Variants in CLN6 observed in about 807,000 individuals in gnomAD.
CLN6 encodes CLN6 transmembrane ER protein, also known as ceroid-lipofuscinosis neuronal protein 6.
A neutral mutation model predicts 33.3 loss-of-function variants in CLN6; 22 were observed. The ratio of observed to expected loss-of-function variants is 0.66; its 90% CI spans 0.47 to 0.94. The LOEUF (loss-of-function observed/expected upper bound fraction) is 0.94. Ranked by LOEUF, CLN6 falls within the 40% of genes least tolerant of loss-of-function variation. The probability of loss-of-function intolerance (pLI) is 0.00; values close to 1 mark genes in which losing one functional copy is unlikely to be tolerated. For missense variants in CLN6, 387 were observed against 417.1 expected (o/e 0.93, Z 0.63); for synonymous variants, 201 against 174.6 (o/e 1.15, Z -1.19).
In CLN6 at chr15:68,219,850, G is replaced by A. The variant is rs916526629; in HGVS notation, c.84-1200C>T. 9.9e-5 allele frequency among the ~76,000 whole-genome samples: 15 copies of A among 152,174 alleles called. No homozygotes were observed. The highest frequency in any genetic ancestry group is 2.7e-4 in the African/African-American group (11 of 41,436). Reference sequence around the variant, plus strand: ...ACTGAGGTGTGGGTTTCATCGTCTCGTTTGTGCCAAGAACAGGCGCCATGG... The same window carrying A: ...ACTGAGGTGTGGGTTTCATCGTCTCATTTGTGCCAAGAACAGGCGCCATGG... On this transcript the variant is annotated intron_variant, in intron 1 of 6. Transcript: ENST00000249806. The surrounding 1 kb of genome is among the most constrained non-coding windows in gnomAD (Gnocchi z 4.2).
rs1365709118 is a variant in CLN6 at position 68,207,860 on chromosome 15, G to A, written c.*280C>T. The A allele has an allele frequency of 1.0e-5, 5 of 486,362 alleles. No homozygotes were observed. Among genetic ancestry groups the A allele is most frequent in the African/African-American group, 2.0e-5 (1 of 51,176 alleles). The allele number at this position is 486,362 out of a possible 1,614,324, so 30.1% of individuals were successfully genotyped here. A position where few individuals can be genotyped will look rare whatever the true frequency, so the allele number is the denominator to read the frequency against. Reference sequence around the variant, plus strand: ...CAGGTGCAGAGGAGGGCAGGGGCCCGGATCCTGGCCCAGAAACACTCTAAA... The same window carrying A: ...CAGGTGCAGAGGAGGGCAGGGGCCCAGATCCTGGCCCAGAAACACTCTAAA... On this transcript the variant is annotated 3_prime_UTR_variant, in exon 7 of 7. Transcript: ENST00000249806.
Position 68,211,488 on chromosome 15 carries a change from G to A in CLN6, c.487-170C>T. On this transcript the variant is annotated intron_variant, in intron 4 of 6. Coordinates refer to ENST00000249806, the MANE Select transcript of CLN6 (RefSeq NM_017882.3). This position sits in a 1 kb window ranked among gnomAD's most constrained non-coding sequence, Gnocchi z 5.9. ...TCTGTTACAGGGGCCCAGGTGGGAG[G>A]CAGTCTGTGCACCACTTCCTAAGAA... is the stretch of plus-strand genomic sequence containing the variant. The A allele has an allele frequency of 6.4e-7, 1 of 1,558,254 alleles. No individual in the cohort carries two copies. The highest frequency in any genetic ancestry group is 8.7e-7 in the Non-Finnish European group (1 of 1,148,822).
At chr15:68,231,010 T>C (rs533048200), upstream of CLN6, among the ~76,000 whole-genome samples, 5 of 152,326 alleles carry the variant, frequency 3.3e-5, no homozygotes, top group South Asian at 2.1e-4. Flanking sequence ...GCAAATGCAA[T>C]GTGCCATTCC....
intron 1 of CLN6, among the ~76,000 whole-genome samples, chr15:68,249,054 C>G (rs749001021): frequency 1.3e-5 from 2 of 152,118 alleles, no homozygotes; most frequent in African/African-American, 2.4e-5. Context: ...ATACAAATGG[C>G]TGACAGGTAT....
upstream of CLN6, chr15:68,229,802 G>A (rs2093264946): frequency 2.9e-6 from 1 of 342,176 alleles, no homozygotes. Context: ...AGGGAGACGG[G>A]GCGGGCTCCG....
In CLN6 at chr15:68,211,992, G is replaced by C. The variant is rs1385224339; in HGVS notation, c.298-129C>G. 1 of 971,290 alleles carries C rather than the reference G, an allele frequency of 1.0e-6. No individual in the cohort carries two copies. Among genetic ancestry groups the C allele is most frequent in the African/African-American group, 1.6e-5 (1 of 62,126 alleles). 60.2% of individuals were successfully genotyped at this position (971,290 alleles called of 1,614,324 possible). The stretch of plus-strand genomic sequence containing the variant: ...TGGAATGTCACTCCAAAAAGTGGCT[G>C]GTCCCTTTAGCAGGCCAGCCCAGCC... On this transcript the variant is annotated intron_variant, in intron 3 of 6. Coordinates refer to ENST00000249806, the MANE Select transcript of CLN6 (RefSeq NM_017882.3). The surrounding 1 kb of genome is among the most constrained non-coding windows in gnomAD (Gnocchi z 5.9).
At position 68,242,730 on chromosome 15, in the gene CLN6, C is replaced by A. The variant is rs1198404370; in HGVS notation, c.179+13960G>T. ...GTAGACATTTGGTTTAAATTAAGGT[C>A]AGATATCAGACTTGCTAAATGCTTT... On this transcript the variant is annotated intron_variant, in intron 1 of 6. Coordinates refer to the CLN6 transcript ENST00000538696. This position sits in a 1 kb window ranked among gnomAD's most constrained non-coding sequence, Gnocchi z 5.0. Among the ~76,000 whole-genome samples, 1 of 152,138 alleles carries A rather than the reference C, an allele frequency of 6.6e-6. No individual in the cohort carries two copies. The highest frequency in any genetic ancestry group is 1.5e-5 in the Non-Finnish European group (1 of 68,018).
Position 68,213,870 on chromosome 15 carries a change from C to T in CLN6, c.297+420G>A, listed in dbSNP as rs77477094. 1,525 of 229,202 alleles carry T rather than the reference C, an allele frequency of 6.7e-3. 16 individuals carry two copies. Among genetic ancestry groups the T allele is most frequent in the Non-Finnish European group, 7.9e-3 (893 of 113,606 alleles). 14.2% of individuals were successfully genotyped at this position (229,202 alleles called of 1,614,324 possible). On this transcript the variant is annotated intron_variant, in intron 3 of 6. Coordinates refer to ENST00000249806, the MANE Select transcript of CLN6 (RefSeq NM_017882.3). ...CTCCAGGGCAGAGGATGGAGTTCAGCTGCTGCTGCTGCCTCTCCTGCCACC... is the reference window on the plus strand; with the variant it reads ...CTCCAGGGCAGAGGATGGAGTTCAGTTGCTGCTGCTGCCTCTCCTGCCACC...
Position 68,234,836 on chromosome 15 carries a change from G to C in CLN6, c.180-16186C>G, listed in dbSNP as rs1218208678. Among the ~76,000 whole-genome samples, 1 of 152,174 alleles carries C rather than the reference G, an allele frequency of 6.6e-6. No homozygotes were observed. The highest frequency in any genetic ancestry group is 1.5e-5 in the Non-Finnish European group (1 of 68,040). ...GTTTGAGACCAGCCTGGCCAACATA[G>C]TGAAACTCCGTCTCTACTAAAAATA... is the stretch of plus-strand genomic sequence containing the variant. On this transcript the variant is annotated intron_variant, in intron 1 of 6. Transcript: ENST00000538696. This position sits in a 1 kb window ranked among gnomAD's most constrained non-coding sequence, Gnocchi z 4.1.
chr15:68,238,637 A>G (rs566133150), intron 1 of CLN6, among the ~76,000 whole-genome samples: 2 of 152,352 alleles, frequency 1.3e-5, no homozygotes, highest in South Asian at 4.1e-4. Flanking sequence ...TCAAAAATGC[A>G]TGTAAAATAG....
Position 68,246,747 on chromosome 15 carries a change from T to G in CLN6, c.179+9943A>C, listed in dbSNP as rs1892332485. Among the ~76,000 whole-genome samples, 1 of 152,040 alleles carries G rather than the reference T, an allele frequency of 6.6e-6. No individual in the cohort carries two copies. The highest frequency in any genetic ancestry group is 2.4e-5 in the African/African-American group (1 of 41,360). On this transcript the variant is annotated intron_variant, in intron 1 of 6. Transcript: ENST00000538696. The surrounding 1 kb of genome is among the most constrained non-coding windows in gnomAD (Gnocchi z 4.5). ...ATATCAGAGCAGAAATAAATGAAAT[T>G]AGGCTAAAATATAGAGAAAATCAAT...
At position 68,214,416 on chromosome 15, in the gene CLN6, A is replaced by T. The variant is rs757480089; in HGVS notation, c.199-28T>A. The stretch of plus-strand genomic sequence containing the variant: ...GCGGAGCAAATGGAAGAATGGGCTC[A>T]CCTGGGCACAGCCCCACGCGGCCCT... On this transcript the variant is annotated intron_variant, in intron 2 of 6. Transcript: ENST00000249806. The T allele has an allele frequency of 3.8e-6, 6 of 1,566,078 alleles. No homozygotes were observed. The African/African-American group carries it at 8.1e-5, about 21-fold the overall frequency.
Position 68,210,918 on chromosome 15 carries a change from G to A in CLN6, c.542+345C>T, listed in dbSNP as rs543184668. Among the ~76,000 whole-genome samples, 17 of 152,086 alleles carry A rather than the reference G, an allele frequency of 1.1e-4. No individual in the cohort carries two copies. Among genetic ancestry groups the A allele is most frequent in the Admixed American group, 3.3e-4 (5 of 15,268 alleles). On this transcript the variant is annotated intron_variant, in intron 5 of 6. Coordinates refer to ENST00000249806, the MANE Select transcript of CLN6 (RefSeq NM_017882.3). The surrounding 1 kb of genome is among the most constrained non-coding windows in gnomAD (Gnocchi z 5.6). The stretch of plus-strand genomic sequence containing the variant: ...TCTGGGGGTTGTTTATCAGGGACGC[G>A]TCCTCCTCCCCCACCCTCAGGGCTC...
At chr15:68,233,350 G>A (rs1427399464), upstream of CLN6, among the ~76,000 whole-genome samples, 1 of 152,080 alleles carries the variant, frequency 6.6e-6, no homozygotes, top group Non-Finnish European at 1.5e-5. The surrounding 1 kb of genome is among the most constrained non-coding windows in gnomAD (Gnocchi z 4.3). Context: ...AGGGTCCCAG[G>A]TGCCATCTCT....
rs1348699922 is a variant in CLN6 at position 68,247,958 on chromosome 15, G to A, written c.179+8732C>T. Among the ~76,000 whole-genome samples, 1 of 151,212 alleles carries A rather than the reference G, an allele frequency of 6.6e-6. No homozygotes were observed. The highest frequency in any genetic ancestry group is 1.5e-5 in the Non-Finnish European group (1 of 67,968). On this transcript the variant is annotated intron_variant, in intron 1 of 6. Transcript: ENST00000538696. The surrounding 1 kb of genome is among the most constrained non-coding windows in gnomAD (Gnocchi z 4.2). ...CAGGAGAATCACTTGAACCTGGGAG[G>A]TGGAGGTTGCAGTGAGCTGAGATCG...
chr15:68,222,754 T>C (rs1479546810), intron 1 of CLN6, among the ~76,000 whole-genome samples: 6 of 152,218 alleles, frequency 3.9e-5, no homozygotes, highest in African/African-American at 1.2e-4. Flanking sequence ...GAAGTAGACA[T>C]AGGAGACTCC....
intron 1 of CLN6, among the ~76,000 whole-genome samples, chr15:68,240,587 C>T (rs959567517): frequency 2.0e-5 from 3 of 151,382 alleles, no homozygotes; most frequent in South Asian, 2.1e-4. Context: ...GGCAACAGAG[C>T]GAGACTCTGT....
In CLN6 at chr15:68,211,173, A is replaced by C; in HGVS notation, c.542+90T>G. ...CTCAACACATGGAGACCCGCAGCCC[A>C]GACAGCCTTGCTCAGTGTGTCCCTG... On this transcript the variant is annotated intron_variant, in intron 5 of 6. Transcript: ENST00000249806. The surrounding 1 kb of genome is among the most constrained non-coding windows in gnomAD (Gnocchi z 5.9). 9.0e-7 allele frequency: 1 copy of C among 1,105,930 alleles called. No individual in the cohort carries two copies. The highest frequency in any genetic ancestry group is 1.2e-5 in the South Asian group (1 of 81,084). The allele number at this position is 1,105,930 out of a possible 1,614,324, so 68.5% of individuals were successfully genotyped here.
At chr15:68,214,195 G>A (rs907720008) in intron 3 of CLN6, 95 bp downstream of exon 3, 20 of 946,386 alleles carry the variant, frequency 2.1e-5, no homozygotes, top group Admixed American at 7.2e-5. Context: ...AGGCAGGAGC[G>A]TGCTTGAGTC....
Sources: gnomAD v4.1 joint callset for allele counts (sites outside exome capture counted in the v4.1 genomes callset) on GRCh38, gnomAD v4.1.1 for gene constraint, Gnocchi (gnomAD v3.1) non-coding constraint, MANE v1.5 for transcripts, NCBI Gene and HGNC (gene_info 2026-07-23, HGNC 2026-07-21) for gene names.